WDFY1: variants seen among roughly 807,000 people sequenced by gnomAD.
WDFY1 encodes WD repeat and FYVE domain containing 1.
Under a neutral mutation model 56.4 loss-of-function variants are expected in WDFY1, and 32 were observed. The ratio of observed to expected loss-of-function variants is 0.57; its 90% CI spans 0.43 to 0.76. The LOEUF is 0.76. Ranked by LOEUF, WDFY1 falls within the 30% of genes least tolerant of loss-of-function variation. WDFY1 has a pLI of 0.00. For missense variants in WDFY1, 480 were observed against 545.7 expected, an observed-to-expected ratio of 0.88 and a Z score of 1.20; for synonymous variants, 192 against 197.3, an observed-to-expected ratio of 0.97 and a Z score of 0.23.
At chr2:223,893,297 G>A (rs1313761177) in intron 8 of WDFY1, among the ~76,000 whole-genome samples, 1 of 151,176 alleles carries the variant, frequency 6.6e-6, no homozygotes, top group African/African-American at 2.4e-5. Context: ...CAGGAGGATT[G>A]CTTGAGCCCA....
At chr2:223,894,122 G>A (rs915694243) in intron 8 of WDFY1, 112 bp downstream of exon 8, 2 of 973,468 alleles carry the variant, frequency 2.1e-6, no homozygotes, top group Admixed American at 4.6e-5. Context: ...AGGGGAAGCT[G>A]GGACTGTCTG....
intron 2 of WDFY1, among the ~76,000 whole-genome samples, chr2:223,917,703 G>T (rs942068531): frequency 1.3e-5 from 2 of 152,046 alleles, no homozygotes; most frequent in Non-Finnish European, 2.9e-5. Context: ...CTCCCAAGTA[G>T]CTGGGATTAC....
chr2:223,896,970 G>A (rs374592400), intron 6 of WDFY1, among the ~76,000 whole-genome samples: 3 of 152,140 alleles, frequency 2.0e-5, no homozygotes, highest in African/African-American at 7.2e-5. Context: ...GGGGTCATGA[G>A]AGAATTAGTC....
chr2:223,930,838 T>C (rs1399061365), intron 1 of WDFY1, among the ~76,000 whole-genome samples: 1 of 152,166 alleles, frequency 6.6e-6, no homozygotes. Flanking sequence ...GGCCCGCCTG[T>C]AGCAAGCTCA....
chr2:223,896,153 C>A (rs1693367283), intron 6 of WDFY1, among the ~76,000 whole-genome samples: 3 of 9,946 alleles, frequency 3.0e-4, no homozygotes, highest in African/African-American at 5.5e-4. Context: ...GAGACTCTGT[C>A]TCAAAAAAAA....
chr2:223,895,001 A>G (rs1376676327), intron 7 of WDFY1, among the ~76,000 whole-genome samples: 1 of 152,244 alleles, frequency 6.6e-6, no homozygotes, highest in East Asian at 1.9e-4. Context: ...ACAGGGCAAG[A>G]TCCTAAATAT....
chr2:223,907,273 A>C (rs1693613216), intron 3 of WDFY1, among the ~76,000 whole-genome samples: 1 of 152,132 alleles, frequency 6.6e-6, no homozygotes, highest in Non-Finnish European at 1.5e-5. Flanking sequence ...CACCGTGCCC[A>C]GCCAAGAATA....
Position 223,899,044 on chromosome 2 carries a change from A to G in WDFY1, c.512T>C (p.Phe171Ser). The change falls in exon 6 of 12, where the codon TTC becomes TCC. Residue 171 changes from phenylalanine to serine, a missense_variant. Coordinates refer to ENST00000233055, the MANE Select transcript of WDFY1 (RefSeq NM_020830.5). ...LQYDFDTQYA[F>S]VGDYSGQITL... ...GATCTGCCCAGAATAATCACCAACG[A>G]AAGCATACTGAGTGTCAAAGTCATA... The G allele has an allele frequency of 2.5e-6, 4 of 1,614,186 alleles. No individual in the cohort carries two copies. The highest frequency in any genetic ancestry group is 3.4e-6 in the Non-Finnish European group (4 of 1,180,014).
rs1460879824 is a variant in WDFY1, at chr2:223,905,928, T to C, written c.334+19A>G. The C allele has an allele frequency of 3.9e-6, 6 of 1,521,704 alleles. No individual in the cohort carries two copies. The highest frequency in any genetic ancestry group is 5.3e-6 in the Non-Finnish European group (6 of 1,127,096). The allele number at this position is 1,521,704 out of a possible 1,614,324, so 94.3% of individuals were successfully genotyped here. A position where few individuals can be genotyped will look rare whatever the true frequency, so the allele number is the denominator to read the frequency against. ...TGTCTACATGTATGTGTACGCAAGA[T>C]AATGTGTATTATAATTACCTGGGTA... On this transcript the variant is annotated intron_variant, in intron 4 of 11. Transcript: ENST00000233055.
In WDFY1 at chr2:223,883,531, G is replaced by C. The variant is rs529694861; in HGVS notation, c.933+1117C>G. 2.0e-5 allele frequency among the ~76,000 whole-genome samples: 3 copies of C among 152,318 alleles called. 1 individual carries two copies. The highest frequency in any genetic ancestry group is 7.2e-5 in the African/African-American group (3 of 41,572). On this transcript the variant is annotated intron_variant, in intron 9 of 11. Coordinates refer to ENST00000233055, the MANE Select transcript of WDFY1 (RefSeq NM_020830.5). ...GGCTAATGACAGACAGAACTCAGGT[G>C]CTATTTCAGAGCTTTATAATGGTCT...
rs760028341 is a variant in WDFY1, at chr2:223,899,064, G to C, written c.492C>G (p.Asp164Glu). The C allele has an allele frequency of 3.7e-6, 6 of 1,613,770 alleles. No individual in the cohort carries two copies. Among genetic ancestry groups the C allele is most frequent in the Non-Finnish European group, 5.1e-6 (6 of 1,179,774 alleles). Residue 164 changes from aspartate (D) to glutamate (E), a missense_variant, in exon 6 of 12, where the codon GAC (aspartate) becomes GAG (glutamate). Asp to Glu is a conservative substitution (Grantham distance 45). Transcript: ENST00000233055. ...FTSWASCLQY[D>E]FDTQYAFVGD... ...CAACGAAAGCATACTGAGTGTCAAA[G>C]TCATATCTGAGGAGAAGCAGTCAAG... is the stretch of plus-strand genomic sequence containing the variant.
chr2:223,914,798 G>T (rs899046851), intron 2 of WDFY1, among the ~76,000 whole-genome samples: 1 of 152,134 alleles, frequency 6.6e-6, no homozygotes, highest in Admixed American at 6.5e-5. Flanking sequence ...CCAAAAAAAG[G>T]CATGAAGTAC....
At chr2:223,885,555 G>A (rs1422844523) in intron 8 of WDFY1, among the ~76,000 whole-genome samples, 1 of 152,102 alleles carries the variant, frequency 6.6e-6, no homozygotes, top group Non-Finnish European at 1.5e-5. Flanking sequence ...TGTTCAATTT[G>A]TAATCTATAG....
Position 223,899,005 on chromosome 2 carries a change from AG to A in WDFY1, c.550del (p.Glu185AsnfsTer114). The A allele has an allele frequency of 6.2e-7, 1 of 1,614,186 alleles. No homozygotes were observed. The highest frequency in any genetic ancestry group is 8.5e-7 in the Non-Finnish European group (1 of 1,180,020). On this transcript the variant is annotated frameshift_variant, in exon 6 of 12. Coordinates refer to ENST00000233055, the MANE Select transcript of WDFY1 (RefSeq NM_020830.5). LOFTEE classifies it high-confidence loss of function. ...GATGACTGAACACGTGTTCTGTTCAAGCTTCAGCAGGGTGATCTGCCCAGAA... is the reference window on the plus strand; with the variant it reads ...GATGACTGAACACGTGTTCTGTTCAACTTCAGCAGGGTGATCTGCCCAGAA... ...DYSGQITLLK[L>X]EQNTCSVITT...
At position 223,894,323 on chromosome 2, in the gene WDFY1, G is replaced by A. The variant is rs1693326001; in HGVS notation, c.742C>T (p.Leu248=). The change falls in exon 8 of 12, where the codon CTG becomes TTG. Residue 248 remains leucine (L), a synonymous_variant. Transcript: ENST00000233055. ...LQGHHDKVQS[L]CYLQLTRQLV... The stretch of plus-strand genomic sequence containing the variant: ...TGCCTGGTGAGCTGAAGGTAGCACA[G>A]CGACTGCACCTTGTCACTGCAAACA... 6.2e-7 allele frequency: 1 copy of A among 1,614,196 alleles called. No homozygotes were observed. Among genetic ancestry groups the A allele is most frequent in the Non-Finnish European group, 8.5e-7 (1 of 1,180,010 alleles).
chr2:223,921,801 T>C (rs1397931903), intron 1 of WDFY1, among the ~76,000 whole-genome samples: 1 of 152,150 alleles, frequency 6.6e-6, no homozygotes. Flanking sequence ...TGTTTGTTTT[T>C]TAAGAATTAA....
intron 7 of WDFY1, 59 bp downstream of exon 7, chr2:223,895,445 C>A: frequency 6.2e-7 from 1 of 1,612,094 alleles, no homozygotes; most frequent in South Asian, 1.1e-5. Context: ...CTATTAATGC[C>A]TTTCACTAGC....
At chr2:223,904,354 C>T (rs1233208695) in intron 4 of WDFY1, among the ~76,000 whole-genome samples, 4 of 152,178 alleles carry the variant, frequency 2.6e-5, no homozygotes, top group Admixed American at 2.6e-4. Context: ...CGGGTTCAAG[C>T]GATTCTCCTG....
chr2:223,898,901 C>G lies in WDFY1; in HGVS notation c.598+57G>C, dbSNP rs532407658. ...ATTCATGAATCCACATAGTAGAGAA[C>G]TGAATTTGGATGTCCAAGTTAGGCA... is the stretch of plus-strand genomic sequence containing the variant. On this transcript the variant is annotated intron_variant, in intron 6 of 11. Transcript: ENST00000233055. 2.0e-3 allele frequency: 2,661 copies of G among 1,336,262 alleles called. 2 individuals are homozygous for G. The highest frequency in any genetic ancestry group is 2.3e-3 in the Non-Finnish European group (2,137 of 928,514). The allele number at this position is 1,336,262 out of a possible 1,614,324, so 82.8% of individuals were successfully genotyped here. A position where few individuals can be genotyped will look rare whatever the true frequency, so the allele number is the denominator to read the frequency against.
Sources: gnomAD v4.1 joint callset for allele counts (sites outside exome capture counted in the v4.1 genomes callset) on GRCh38, gnomAD v4.1.1 for gene constraint, MANE v1.5 for transcripts, NCBI Gene and HGNC (gene_info 2026-07-23, HGNC 2026-07-21) for gene names.